Variants in ARHGAP12 observed in about 807,000 individuals in gnomAD.
ARHGAP12 encodes the protein Rho GTPase activating protein 12.
In ARHGAP12, 64 loss-of-function variants were observed where a neutral mutation model predicts 108.6. The observed-to-expected ratio is 0.59, with a 90% CI of 0.48 to 0.73. The LOEUF (loss-of-function observed/expected upper bound fraction) is 0.73, where lower values mean the gene tolerates loss of function less well. Among genes scored for constraint, ARHGAP12 ranks in the 30% least tolerant of loss-of-function variants. The pLI is 0.00. For synonymous variants in ARHGAP12, 312 were observed against 337.2 expected (o/e 0.93, Z 0.82); for missense variants, 940 against 1,005.9 (o/e 0.93, Z 0.89).
chr10:31,839,195 T>C, intron 9 of ARHGAP12, 110 bp downstream of exon 9: 1 of 1,144,000 alleles, frequency 8.7e-7, no homozygotes, highest in South Asian at 1.6e-5. Context: ...GAACTTACAG[T>C]TAAGCTATAT....
At chr10:31,820,264 A>G in intron 12 of ARHGAP12, 123 bp downstream of exon 12, 1 of 652,658 alleles carries the variant, frequency 1.5e-6, no homozygotes, top group Non-Finnish European at 2.4e-6. Context: ...ATACCATCTA[A>G]CTTAATCACC....
chr10:31,889,604 T>G (rs932348605), intron 3 of ARHGAP12, among the ~76,000 whole-genome samples: 25 of 151,346 alleles, frequency 1.7e-4, no homozygotes, highest in African/African-American at 6.1e-4. Flanking sequence ...TGATTTTCTT[T>G]TCTTAATTTT....
At chr10:31,904,771 C>A (rs1182689003) in intron 3 of ARHGAP12, among the ~76,000 whole-genome samples, 1 of 151,982 alleles carries the variant, frequency 6.6e-6, no homozygotes, top group Non-Finnish European at 1.5e-5. Context: ...GGACTACAGG[C>A]ACATGCCACT....
At chr10:31,924,611 TAC>T (rs1212163030) in intron 1 of ARHGAP12, among the ~76,000 whole-genome samples, 5 of 152,310 alleles carry the variant, frequency 3.3e-5, no homozygotes, top group Admixed American at 6.5e-5. Flanking sequence ...GTATGTACAT[TAC>T]ACTTTAATAA....
intron 3 of ARHGAP12, among the ~76,000 whole-genome samples, chr10:31,879,229 G>A (rs1003177236): frequency 6.6e-6 from 1 of 152,036 alleles, no homozygotes; most frequent in Non-Finnish European, 1.5e-5. Flanking sequence ...TGGGCAACAT[G>A]ATGAAACCCC....
At chr10:31,926,159 A>G (rs1840030030) in intron 1 of ARHGAP12, among the ~76,000 whole-genome samples, 1 of 152,124 alleles carries the variant, frequency 6.6e-6, no homozygotes, top group African/African-American at 2.4e-5. Context: ...GATTATCAAC[A>G]GGGGAAGGAG....
At chr10:31,916,852 T>C (rs1204259860) in intron 1 of ARHGAP12, among the ~76,000 whole-genome samples, 1 of 152,002 alleles carries the variant, frequency 6.6e-6, no homozygotes, top group Non-Finnish European at 1.5e-5. Context: ...CCTGACCTTG[T>C]GATCCGCCCG....
intron 3 of ARHGAP12, among the ~76,000 whole-genome samples, chr10:31,888,320 T>C (rs1361926674): frequency 6.6e-6 from 1 of 152,184 alleles, no homozygotes; most frequent in East Asian, 1.9e-4. Context: ...GGTCCAATCA[T>C]GCTCCTGGCC....
intron 1 of ARHGAP12, among the ~76,000 whole-genome samples, chr10:31,911,488 T>TA (rs1234155687): frequency 8.3e-6 from 1 of 121,066 alleles, no homozygotes; most frequent in Non-Finnish European, 2.0e-5. Flanking sequence ...CTAATTTTTG[T>TA]ATTTTTTTAG....
intron 9 of ARHGAP12, among the ~76,000 whole-genome samples, chr10:31,832,023 T>G (rs1468570874): frequency 6.6e-6 from 1 of 152,178 alleles, no homozygotes; most frequent in Non-Finnish European, 1.5e-5. Flanking sequence ...TTTTTCTCCT[T>G]AAGTCACAGC....
chr10:31,854,549 C>T (rs1363197660), intron 4 of ARHGAP12, among the ~76,000 whole-genome samples: 1 of 152,128 alleles, frequency 6.6e-6, no homozygotes, highest in Non-Finnish European at 1.5e-5. Context: ...TGTGTGTACA[C>T]ATATCTGTGT....
At chr10:31,914,783 T>C (rs1299267546) in intron 1 of ARHGAP12, among the ~76,000 whole-genome samples, 3 of 152,240 alleles carry the variant, frequency 2.0e-5, no homozygotes, top group Non-Finnish European at 4.4e-5. Context: ...CCAATTCCAC[T>C]ACTGGGCATA....
intron 11 of ARHGAP12, among the ~76,000 whole-genome samples, chr10:31,825,651 C>T (rs4447072): frequency 0.24 from 36,326 of 151,926 alleles, 4,686 homozygotes; most frequent in East Asian, 0.47. Context: ...GTTAAGGAGA[C>T]AATATATACA....
Position 31,861,558 on chromosome 10 carries a change from C to T in ARHGAP12, c.785G>A (p.Ser262Asn). ...SQSALPPLPG[S>N]PAIQINGEWE... ...TTCTCCATTAATCTGAATTGCCGGG[C>T]TCCCAGGAAGTGGGGGAAGAGCAGA... Residue 262 changes from serine (S) to asparagine (N), a missense_variant, in exon 4 of 20, where the codon AGC becomes AAC. Physicochemically the swap from Ser to Asn is conservative, Grantham distance 46 (BLOSUM62 1). Coordinates refer to ENST00000344936, the MANE Select transcript of ARHGAP12 (RefSeq NM_018287.7). 6 of 1,614,166 alleles carry T rather than the reference C, an allele frequency of 3.7e-6. No homozygotes were observed. The highest frequency in any genetic ancestry group is 5.1e-6 in the Non-Finnish European group (6 of 1,180,034).
chr10:31,815,391 C>G (rs761595900), intron 13 of ARHGAP12, among the ~76,000 whole-genome samples: 1 of 152,154 alleles, frequency 6.6e-6, no homozygotes, highest in Admixed American at 6.5e-5. Flanking sequence ...TCCACAGGTA[C>G]GTGAGTCTGT....
In ARHGAP12 at chr10:31,806,031, A is replaced by C. The variant is rs1370257579; in HGVS notation, c.*1627T>G. The stretch of plus-strand genomic sequence containing the variant: ...ACAAAAAAATACTTGTTCCCAAGGA[A>C]GGCAATCTGTAAATTATAAATGCAA... On this transcript the variant is annotated 3_prime_UTR_variant, in exon 20 of 20. Transcript: ENST00000344936. 1 of 152,074 alleles carries C rather than the reference A, an allele frequency of 6.6e-6. No individual in the cohort carries two copies. Among genetic ancestry groups the C allele is most frequent in the East Asian group, 1.9e-4 (1 of 5,202 alleles). 9.4% of individuals were successfully genotyped at this position (152,074 alleles called of 1,614,324 possible). A position where few individuals can be genotyped will look rare whatever the true frequency, so the allele number is the denominator to read the frequency against.
intron 3 of ARHGAP12, among the ~76,000 whole-genome samples, chr10:31,891,299 G>C (rs1838419345): frequency 6.6e-6 from 1 of 152,154 alleles, no homozygotes; most frequent in African/African-American, 2.4e-5. Flanking sequence ...ATATCTCTCA[G>C]CATTTGTTTG....
At chr10:31,826,436 C>A (rs750745396) in intron 10 of ARHGAP12, 51 bp from the exon 11 acceptor site, 6 of 1,497,630 alleles carry the variant, frequency 4.0e-6, no homozygotes, top group South Asian at 1.2e-5. Context: ...GTTCTTTCAG[C>A]CAAATTCAAA....
At chr10:31,841,543 G>C (rs1836267388) in intron 7 of ARHGAP12, among the ~76,000 whole-genome samples, 1 of 152,056 alleles carries the variant, frequency 6.6e-6, no homozygotes, top group Non-Finnish European at 1.5e-5. Context: ...TGATTACCAG[G>C]GTAAACAGAT....
Sources: gnomAD v4.1 joint callset for allele counts (sites outside exome capture counted in the v4.1 genomes callset) on GRCh38, gnomAD v4.1.1 for gene constraint, MANE v1.5 for transcripts, NCBI Gene and HGNC (gene_info 2026-07-23, HGNC 2026-07-21) for gene names.